KCNN2: variants seen among roughly 807,000 people sequenced by gnomAD.
KCNN2 encodes potassium calcium-activated channel subfamily N member 2.
KCNN2 carries 24 observed loss-of-function variants against 55.5 expected under a neutral mutation model. The ratio of observed to expected loss-of-function variants is 0.43; its 90% CI spans 0.31 to 0.61. The LOEUF (loss-of-function observed/expected upper bound fraction) is 0.61. KCNN2 is among the 20% of genes least tolerant of loss of function. The pLI, the probability that KCNN2 is intolerant of heterozygous loss-of-function variation, is 0.08. For missense variants in KCNN2, 754 were observed against 853.6 expected, an observed-to-expected ratio of 0.88 and a Z score of 1.45; for synonymous variants, 431 against 336.1, an observed-to-expected ratio of 1.28 and a Z score of -3.09.
intron 1 of KCNN2, among the ~76,000 whole-genome samples, chr5:114,202,625 T>C (rs865932706): frequency 1.2e-3 from 172 of 146,596 alleles, no homozygotes; most frequent in African/African-American, 3.9e-3. Context: ...CTCGCTCTGT[T>C]GCCCAGGCTG....
In KCNN2 at chr5:114,272,149, C is replaced by T. The variant is rs147566072; in HGVS notation, c.-185+50584C>T. On this transcript the variant is annotated intron_variant, in intron 2 of 10. Coordinates refer to the KCNN2 transcript ENST00000512097. Reference sequence around the variant, plus strand: ...ACCTTCCCTCAAAGAGTAGCATCCTCTCATTCTCTATCTGCCACCAATGGT... The same window carrying T: ...ACCTTCCCTCAAAGAGTAGCATCCTTTCATTCTCTATCTGCCACCAATGGT... 3.5e-4 allele frequency among the ~76,000 whole-genome samples: 54 copies of T among 152,234 alleles called. No homozygotes were observed. The East Asian group carries it at 0.01, about 29-fold the overall frequency.
intron 1 of KCNN2, among the ~76,000 whole-genome samples, chr5:114,191,161 A>G (rs1561516130): frequency 2.0e-5 from 3 of 152,106 alleles, no homozygotes; most frequent in Non-Finnish European, 4.4e-5. Flanking sequence ...TGTGAACTTT[A>G]TTTTTCACTG....
intron 2 of KCNN2, among the ~76,000 whole-genome samples, chr5:114,354,812 G>C (rs1757269672): frequency 6.6e-6 from 1 of 152,038 alleles, no homozygotes; most frequent in African/African-American, 2.4e-5. Context: ...TATATCTGTT[G>C]TGTTTTTCCC....
chr5:114,356,461 T>A (rs193003015), intron 2 of KCNN2, among the ~76,000 whole-genome samples: 2 of 152,294 alleles, frequency 1.3e-5, no homozygotes, highest in Admixed American at 1.3e-4. Flanking sequence ...GATTTCTACC[T>A]GTTCACCCAT....
At chr5:114,190,383 A>G (rs1753425937) in intron 1 of KCNN2, among the ~76,000 whole-genome samples, 1 of 152,174 alleles carries the variant, frequency 6.6e-6, no homozygotes, top group Admixed American at 6.5e-5. Context: ...AATATTATAC[A>G]TATTTAAAAT....
intron 6 of KCNN2, among the ~76,000 whole-genome samples, chr5:114,488,517 C>T (rs923275183): frequency 1.3e-5 from 2 of 152,126 alleles, no homozygotes; most frequent in East Asian, 1.9e-4. Flanking sequence ...GGAACTTGCT[C>T]CCTAGACTTA....
At chr5:114,375,757 C>T (rs551105376) in intron 2 of KCNN2, among the ~76,000 whole-genome samples, 5 of 151,664 alleles carry the variant, frequency 3.3e-5, no homozygotes, top group Admixed American at 6.6e-5. Flanking sequence ...TTGATGGAAA[C>T]GAGTTTGAGC....
intron 3 of KCNN2, among the ~76,000 whole-genome samples, chr5:114,459,942 T>C (rs1213731712): frequency 6.6e-6 from 1 of 152,196 alleles, no homozygotes; most frequent in African/African-American, 2.4e-5. Flanking sequence ...ATTTGAGCAT[T>C]TGTTAAAGGT....
intron 1 of KCNN2, among the ~76,000 whole-genome samples, chr5:114,103,277 T>C (rs1380794450): frequency 6.6e-6 from 1 of 152,210 alleles, no homozygotes; most frequent in Non-Finnish European, 1.5e-5. Context: ...TTTTGCAAAT[T>C]GTATCCTGAG....
At chr5:114,203,655 A>G (rs567366247) in intron 1 of KCNN2, among the ~76,000 whole-genome samples, 2 of 152,288 alleles carry the variant, frequency 1.3e-5, no homozygotes, top group East Asian at 3.9e-4. Context: ...GGTGGACCTC[A>G]TCCCTGGGCC....
chr5:114,151,120 T>C (rs1335071687), intron 1 of KCNN2, among the ~76,000 whole-genome samples: 2 of 152,144 alleles, frequency 1.3e-5, no homozygotes, highest in Non-Finnish European at 2.9e-5. Context: ...TTTTTTTCTT[T>C]AAAATCAAAT....
At position 114,241,378 on chromosome 5, in the gene KCNN2, T is replaced by C. The variant is rs572801314; in HGVS notation, c.-185+19813T>C. On this transcript the variant is annotated intron_variant, in intron 2 of 10. Coordinates refer to the KCNN2 transcript ENST00000512097. Reference sequence around the variant, plus strand: ...TTGAATAAAATAGTGAAGATAGTTATGCCTTAACAAAAATTAAAATGTATA... The same window carrying C: ...TTGAATAAAATAGTGAAGATAGTTACGCCTTAACAAAAATTAAAATGTATA... Among the ~76,000 whole-genome samples the C allele has an allele frequency of 2.0e-5, 3 of 152,006 alleles. No homozygotes were observed. In the East Asian group the frequency reaches 5.8e-4, roughly 30 times the overall value.
At chr5:114,470,565 A>G (rs1761681129) in intron 4 of KCNN2, among the ~76,000 whole-genome samples, 1 of 152,192 alleles carries the variant, frequency 6.6e-6, no homozygotes, top group African/African-American at 2.4e-5. Flanking sequence ...TAGATGTTTG[A>G]AAGTCAGTAA....
rs534673303 is a variant in KCNN2 at position 114,139,297 on chromosome 5, T to C, written c.-270-82183T>C. 1.8e-4 allele frequency among the ~76,000 whole-genome samples: 27 copies of C among 152,270 alleles called. No homozygotes were observed. In the East Asian group the frequency reaches 5.0e-3, roughly 28 times the overall value. ...TCTCATAAGAATAAATGATTTGATA[T>C]GAGATTTGGAGTGGAAAAATTTTTA... On this transcript the variant is annotated intron_variant, in intron 1 of 10. Transcript: ENST00000512097.
rs569372437 is a variant in KCNN2, at chr5:114,369,425, T to C, written c.1218+5424T>C. 2.8e-4 allele frequency among the ~76,000 whole-genome samples: 42 copies of C among 152,288 alleles called. No homozygotes were observed. The South Asian group carries it at 5.6e-3, about 20-fold the overall frequency. ...AAATTTTGGAGGAGGTTGTTGAAGATGAAGGAAGCTAAAAAAGTAGAAGAA... is the reference window on the plus strand; with the variant it reads ...AAATTTTGGAGGAGGTTGTTGAAGACGAAGGAAGCTAAAAAAGTAGAAGAA... On this transcript the variant is annotated intron_variant, in intron 2 of 7. Transcript: ENST00000673685.
At chr5:114,217,979 A>G (rs1754041138) in intron 1 of KCNN2, among the ~76,000 whole-genome samples, 1 of 152,240 alleles carries the variant, frequency 6.6e-6, no homozygotes, top group African/African-American at 2.4e-5. Context: ...ATGGCAAATT[A>G]GCATTTAAAA....
chr5:114,220,628 G>T (rs1207217004), intron 1 of KCNN2, among the ~76,000 whole-genome samples: 2 of 152,072 alleles, frequency 1.3e-5, no homozygotes, highest in East Asian at 3.9e-4. Context: ...GAGCCAATTA[G>T]AAATCCTGGC....
At chr5:114,269,648 G>A (rs1002550588) in intron 2 of KCNN2, among the ~76,000 whole-genome samples, 6 of 152,132 alleles carry the variant, frequency 3.9e-5, no homozygotes, top group African/African-American at 7.2e-5. Context: ...TCATTCAGGA[G>A]CCCCAGGTTC....
chr5:114,493,721 C>T lies in KCNN2; in HGVS notation c.2088+249C>T, dbSNP rs531944330. Among the ~76,000 whole-genome samples, 360 of 152,078 alleles carry T rather than the reference C, an allele frequency of 2.4e-3. 2 individuals carry two copies. Among genetic ancestry groups the T allele is most frequent in the Non-Finnish European group, 1.9e-3 (132 of 67,994 alleles). On this transcript the variant is annotated intron_variant, in intron 7 of 7. Coordinates refer to ENST00000673685, the MANE Select transcript of KCNN2 (RefSeq NM_021614.4). ...CCTAGTTACAGTGATTTGGAAGTAC[C>T]ATAAGAAGCTTAAGTGGAATAGGAG...
Sources: allele counts gnomAD v4.1 joint callset (sites outside exome capture counted in the v4.1 genomes callset), GRCh38; gene constraint gnomAD v4.1.1; transcripts MANE v1.5; gene names NCBI Gene and HGNC (gene_info 2026-07-23, HGNC 2026-07-21).